The following ARHGAP25 variants were observed in gnomAD, a reference collection of about 807,000 sequenced individuals.
ARHGAP25 encodes Rho GTPase activating protein 25.
In ARHGAP25, 34 loss-of-function variants were observed where a neutral mutation model predicts 71.0. The ratio of observed to expected loss-of-function variants is 0.48; its 90% CI spans 0.36 to 0.64. The LOEUF (loss-of-function observed/expected upper bound fraction) is 0.64, where lower values mean the gene tolerates loss of function less well. Ranked by LOEUF, ARHGAP25 falls within the 30% of genes least tolerant of loss-of-function variation. The pLI, the probability that ARHGAP25 is intolerant of heterozygous loss-of-function variation, is 0.00. For missense variants in ARHGAP25, 706 were observed against 805.1 expected, an observed-to-expected ratio of 0.88 and a Z score of 1.49; for synonymous variants, 282 against 296.5, an observed-to-expected ratio of 0.95 and a Z score of 0.50.
At chr2:68,796,024 T>A (rs779774219) in intron 4 of ARHGAP25, among the ~76,000 whole-genome samples, 1 of 152,224 alleles carries the variant, frequency 6.6e-6, no homozygotes, top group Non-Finnish European at 1.5e-5. Context: ...CATTCCTTTT[T>A]ATTCTTTTTT....
In ARHGAP25 at chr2:68,760,841, A is replaced by C. The variant is rs543873463; in HGVS notation, c.62-14380A>C. Among the ~76,000 whole-genome samples, 189 of 148,964 alleles carry C rather than the reference A, an allele frequency of 1.3e-3. 1 individual carries two copies. Among genetic ancestry groups the C allele is most frequent in the Admixed American group, 1.3e-3 (19 of 14,788 alleles). On this transcript the variant is annotated intron_variant, in intron 1 of 10. Coordinates refer to ENST00000409202, the MANE Select transcript of ARHGAP25 (RefSeq NM_001007231.3). Reference sequence around the variant, plus strand: ...AAAACTCATCCTAAAGTTCATATGGAAACTCAAGGGATCCTGAATAGCAAA... The same window carrying C: ...AAAACTCATCCTAAAGTTCATATGGCAACTCAAGGGATCCTGAATAGCAAA...
chr2:68,780,970 G>T (rs553577833), intron 2 of ARHGAP25, among the ~76,000 whole-genome samples: 11 of 152,280 alleles, frequency 7.2e-5, no homozygotes, highest in South Asian at 6.2e-4. Context: ...GATCCAGTGC[G>T]CACTAACGAT....
intron 4 of ARHGAP25, among the ~76,000 whole-genome samples, chr2:68,788,312 C>T (rs1319673238): frequency 2.6e-5 from 4 of 152,206 alleles, no homozygotes; most frequent in Non-Finnish European, 4.4e-5. Context: ...AAGCTGACCC[C>T]GGGTACCCAG....
chr2:68,739,079 G>A (rs753228556), intron 1 of ARHGAP25, among the ~76,000 whole-genome samples: 21 of 152,240 alleles, frequency 1.4e-4, no homozygotes, highest in Non-Finnish European at 1.6e-4. Flanking sequence ...AAGGACTGAT[G>A]TCACCTCTGG....
At chr2:68,736,656 G>A (rs371386405) in intron 1 of ARHGAP25, among the ~76,000 whole-genome samples, 13 of 152,126 alleles carry the variant, frequency 8.5e-5, no homozygotes, top group African/African-American at 2.2e-4. Context: ...GCTCAAGACT[G>A]CATATACTCA....
At chr2:68,773,264 T>A (rs754728485) in intron 1 of ARHGAP25, among the ~76,000 whole-genome samples, 4 of 152,218 alleles carry the variant, frequency 2.6e-5, no homozygotes, top group Non-Finnish European at 5.9e-5. Context: ...TTTGAAAGTA[T>A]GCCATGATTA....
At chr2:68,809,629 T>A (rs1466996938) in intron 5 of ARHGAP25, among the ~76,000 whole-genome samples, 1 of 152,002 alleles carries the variant, frequency 6.6e-6, no homozygotes, top group Non-Finnish European at 1.5e-5. Flanking sequence ...AGTGAGAAGC[T>A]ATGGTTGTAG....
chr2:68,804,293 T>C, intron 4 of ARHGAP25, among the ~76,000 whole-genome samples: 1 of 152,330 alleles, frequency 6.6e-6, no homozygotes, highest in African/African-American at 2.4e-5. Context: ...TTGTGCTATC[T>C]TTCCCCATCA....
At chr2:68,717,438 G>A (rs966649946) in intron 2 of ARHGAP25, among the ~76,000 whole-genome samples, 1 of 152,156 alleles carries the variant, frequency 6.6e-6, no homozygotes, top group African/African-American at 2.4e-5. Context: ...CTCTAGAACT[G>A]AGTCAATTCA....
intron 1 of ARHGAP25, among the ~76,000 whole-genome samples, chr2:68,756,673 G>A (rs981286717): frequency 3.3e-5 from 5 of 152,092 alleles, no homozygotes; most frequent in Non-Finnish European, 5.9e-5. Context: ...ACAAAATCCA[G>A]CAAATCCTTG....
chr2:68,812,013 G>A (rs1243609305), intron 5 of ARHGAP25, among the ~76,000 whole-genome samples: 2 of 152,188 alleles, frequency 1.3e-5, no homozygotes, highest in African/African-American at 4.8e-5. Flanking sequence ...ATATGGTAGT[G>A]AATCTTATTT....
rs759842940 is a variant in ARHGAP25 at position 68,813,407 on chromosome 2, G to A, written c.795G>A (p.Ala265=). 2.3e-5 allele frequency: 37 copies of A among 1,612,252 alleles called. No homozygotes were observed. In the South Asian group the frequency reaches 2.6e-4, roughly 12 times the overall value. The change falls in exon 6 of 11, where the codon GCG becomes GCA. Residue 265 remains alanine (A), a synonymous_variant. Transcript: ENST00000409202. ...TGCTCTGTGGGCAGCTCACGAATGCGGATGAGGCAAAGGTTTGCATCTTAG... is the reference window on the plus strand; with the variant it reads ...TGCTCTGTGGGCAGCTCACGAATGCAGATGAGGCAAAGGTTTGCATCTTAG... ...GFLLCGQLTN[A]DEAKAQQELM... is the part of the protein sequence containing the mutation.
chr2:68,747,132 C>G (rs559480205), intron 1 of ARHGAP25, among the ~76,000 whole-genome samples: 4 of 151,918 alleles, frequency 2.6e-5, no homozygotes, highest in African/African-American at 9.6e-5. Flanking sequence ...CTGTCCTCGT[C>G]TTACTCAACT....
chr2:68,792,366 C>T (rs1401074005), intron 4 of ARHGAP25, among the ~76,000 whole-genome samples: 1 of 152,152 alleles, frequency 6.6e-6, no homozygotes, highest in African/African-American at 2.4e-5. Flanking sequence ...CCAGATAACA[C>T]ATATTGTACC....
At chr2:68,796,411 G>A (rs762032930) in intron 4 of ARHGAP25, among the ~76,000 whole-genome samples, 15 of 151,952 alleles carry the variant, frequency 9.9e-5, no homozygotes, top group East Asian at 3.9e-4. Flanking sequence ...TTGCTTTTTC[G>A]TGCTTCCTGT....
intron 4 of ARHGAP25, among the ~76,000 whole-genome samples, chr2:68,792,082 G>A (rs1679214122): frequency 1.3e-5 from 2 of 152,108 alleles, no homozygotes; most frequent in South Asian, 4.1e-4. Flanking sequence ...CAGGGAGCAA[G>A]CAGTCCAAAT....
At chr2:68,800,456 G>A (rs1234032068) in intron 4 of ARHGAP25, among the ~76,000 whole-genome samples, 1 of 152,124 alleles carries the variant, frequency 6.6e-6, no homozygotes, top group Non-Finnish European at 1.5e-5. Context: ...GTGTGGTAGT[G>A]AGGCCTCACC....
At chr2:68,734,712 G>A (rs1216430765), upstream of ARHGAP25, 9 of 156,402 alleles carry the variant, frequency 5.8e-5, no homozygotes. Context: ...TGCTCATAAT[G>A]TATCATCTTC....
intron 2 of ARHGAP25, among the ~76,000 whole-genome samples, chr2:68,779,197 G>A (rs1271421867): frequency 6.6e-6 from 1 of 152,150 alleles, no homozygotes; most frequent in African/African-American, 2.4e-5. Flanking sequence ...TGGGAGAGCC[G>A]ATTGAAGGGC....
Sources: gnomAD v4.1 joint callset for allele counts (sites outside exome capture counted in the v4.1 genomes callset) on GRCh38, gnomAD v4.1.1 for gene constraint, MANE v1.5 for transcripts, NCBI Gene and HGNC (gene_info 2026-07-23, HGNC 2026-07-21) for gene names.